Variants in FGB observed in about 807,000 individuals in gnomAD.
FGB encodes the protein beta-fibrinogen.
In FGB, 25 loss-of-function variants were observed where a neutral mutation model predicts 57.9. The ratio of observed to expected loss-of-function variants is 0.43; its 90% CI spans 0.31 to 0.60. The LOEUF (loss-of-function observed/expected upper bound fraction) is 0.60. Ranked by LOEUF, FGB falls within the 20% of genes least tolerant of loss-of-function variation. The pLI is 0.08. For synonymous variants in FGB, 203 were observed against 199.2 expected (o/e 1.02, Z -0.16); for missense variants, 536 against 598.4 (o/e 0.90, Z 1.09).
At position 154,570,671 on chromosome 4, in the gene FGB, G is replaced by C. The variant is rs1317503133; in HGVS notation, c.*21G>C. On this transcript the variant is annotated 3_prime_UTR_variant, in exon 8 of 8. Transcript: ENST00000302068. ...AATAGTCCCCAATACGTAGATTTTT[G>C]CTCTTCTGTATGTGACAACATTTTT... 2 of 1,587,908 alleles carry C rather than the reference G, an allele frequency of 1.3e-6. No homozygotes were observed. Among genetic ancestry groups the C allele is most frequent in the South Asian group, 1.1e-5 (1 of 90,466 alleles).
In FGB at chr4:154,570,516, T is replaced by C; in HGVS notation, c.1342T>C (p.Trp448Arg). 1 of 1,614,102 alleles carries C rather than the reference T, an allele frequency of 6.2e-7. No individual in the cohort carries two copies. The highest frequency in any genetic ancestry group is 8.5e-7 in the Non-Finnish European group (1 of 1,179,992). The part of the protein sequence containing the change: ...HAANPNGRYY[W>R]GGQYTWDMAK... ...AGCCAATCCAAACGGCAGATACTAC[T>C]GGGGTGGACAGTACACCTGGGACAT... is the stretch of plus-strand genomic sequence containing the variant. The change falls in exon 8 of 8, where the codon TGG (tryptophan) becomes CGG (arginine). Residue 448 changes from tryptophan to arginine, a missense_variant. This residue lies in a region of FGB where 177 missense variants were observed against 193.7 expected (regional missense o/e 0.91). Coordinates refer to ENST00000302068, the MANE Select transcript of FGB (RefSeq NM_005141.5).
intron 6 of FGB, 99 bp downstream of exon 6, chr4:154,569,406 G>A (rs1374413177): frequency 6.3e-7 from 1 of 1,588,754 alleles, no homozygotes. Flanking sequence ...AGGCAGTTAA[G>A]AGGAGTTTCC....
At chr4:154,567,870 AC>A in intron 4 of FGB, 50 bp downstream of exon 4, 1 of 1,309,816 alleles carries the variant, frequency 7.6e-7, no homozygotes, top group South Asian at 1.2e-5. Context: ...GAACTCACAC[AC>A]CAAAAATAAG....
Position 154,569,219 on chromosome 4 carries a change from T to G in FGB, c.870T>G (p.Val290=). The G allele has an allele frequency of 6.2e-7, 1 of 1,614,164 alleles. No individual in the cohort carries two copies. Among genetic ancestry groups the G allele is most frequent in the Non-Finnish European group, 8.5e-7 (1 of 1,180,016 alleles). The change falls in exon 6 of 8, where the codon GTT becomes GTG. Residue 290 remains valine, a synonymous_variant. Coordinates refer to ENST00000302068, the MANE Select transcript of FGB (RefSeq NM_005141.5). ...TVIQNRQDGS[V]DFGRKWDPYK... is the part of the protein sequence containing the mutation. ...TTCAGAACCGTCAAGACGGTAGTGTTGACTTTGGCAGGAAATGGGATCCAT... is the reference window on the plus strand; with the variant it reads ...TTCAGAACCGTCAAGACGGTAGTGTGGACTTTGGCAGGAAATGGGATCCAT...
In FGB at chr4:154,570,939, T is replaced by A; in HGVS notation, c.*289T>A. ...AGAATTTTCAAATAAGGAAGAGGGG[T>A]CTTTTATCCTTGTCGTAGGAAAACC... On this transcript the variant is annotated 3_prime_UTR_variant, in exon 8 of 8. Coordinates refer to ENST00000302068, the MANE Select transcript of FGB (RefSeq NM_005141.5). The A allele has an allele frequency of 2.3e-6, 1 of 432,670 alleles. No individual in the cohort carries two copies. The highest frequency in any genetic ancestry group is 4.2e-6 in the Non-Finnish European group (1 of 235,644). The allele number at this position is 432,670 out of a possible 1,614,324, so 26.8% of individuals were successfully genotyped here.
In FGB at chr4:154,569,567, A is replaced by C; in HGVS notation, c.1012A>C (p.Thr338Pro). The change falls in exon 7 of 8, where the codon ACA (threonine) becomes CCA (proline). Residue 338 changes from threonine (T) to proline (P), a missense_variant. Around this residue, in one of 3 missense-constraint regions of FGB, gnomAD observed 177 missense variants for 193.7 expected, o/e 0.91. Coordinates refer to ENST00000302068, the MANE Select transcript of FGB (RefSeq NM_005141.5). ...TAGCCAGCTTACCAGGATGGGACCCACAGAACTTTTGATAGAAATGGAGGA... is the reference window on the plus strand; with the variant it reads ...TAGCCAGCTTACCAGGATGGGACCCCCAGAACTTTTGATAGAAATGGAGGA... ...KISQLTRMGP[T>P]ELLIEMEDWK... is the part of the protein sequence containing the mutation. The C allele has an allele frequency of 6.2e-7, 1 of 1,614,112 alleles. No homozygotes were observed.
intron 5 of FGB, among the ~76,000 whole-genome samples, 195 bp from the exon 6 acceptor site, chr4:154,568,986 AT>A (rs960838734): frequency 1.3e-5 from 2 of 152,238 alleles, no homozygotes; most frequent in African/African-American, 4.8e-5. Context: ...ATAATTCACA[AT>A]TTGGGGTAAG....
At chr4:154,568,587 T>C (rs1393451339) in intron 5 of FGB, 93 bp downstream of exon 5, 3 of 790,102 alleles carry the variant, frequency 3.8e-6, no homozygotes, top group Admixed American at 1.8e-5. Context: ...GGCTCATACC[T>C]GTAATTCCAG....
chr4:154,570,373 C>T (rs1337825698), intron 7 of FGB, 46 bp from the exon 8 acceptor site: 2 of 1,455,232 alleles, frequency 1.4e-6, no homozygotes, highest in Admixed American at 1.7e-5. Flanking sequence ...CGTAACTTGA[C>T]CACCGTAGTT....
At position 154,567,730 on chromosome 4, in the gene FGB, C is replaced by A; in HGVS notation, c.628C>A (p.Gln210Lys). The change falls in exon 4 of 8, where the codon CAA becomes AAA. Residue 210 changes from glutamine to lysine, a missense_variant. Physicochemically the swap from Gln to Lys is moderately conservative, Grantham distance 53. This residue lies in a region of FGB where 354 missense variants were observed against 383.4 expected (regional missense o/e 0.92). Coordinates refer to ENST00000302068, the MANE Select transcript of FGB (RefSeq NM_005141.5). Reference sequence around the variant, plus strand: ...CCTGGAAAACCTGAGAAGCAAAATACAAAAGTTAGAATCTGATGTCTCAGC... The same window carrying A: ...CCTGGAAAACCTGAGAAGCAAAATAAAAAAGTTAGAATCTGATGTCTCAGC... ...SILENLRSKI[Q>K]KLESDVSAQM... The A allele has an allele frequency of 6.2e-7, 1 of 1,614,110 alleles. No individual in the cohort carries two copies. The highest frequency in any genetic ancestry group is 2.2e-5 in the East Asian group (1 of 44,884).
intron 6 of FGB, 46 bp downstream of exon 6, chr4:154,569,353 A>AT (rs748975142): frequency 2.4e-5 from 38 of 1,611,518 alleles, no homozygotes; most frequent in East Asian, 1.8e-4. Flanking sequence ...TTGAAATGGG[A>AT]TTTTTTTTAA....
chr4:154,565,846 G>T lies in FGB; in HGVS notation c.153G>T (p.Lys51Asn). The change falls in exon 2 of 8, where the codon AAG (lysine) becomes AAT (asparagine). Residue 51 changes from lysine to asparagine, a missense_variant. Lys to Asn is a moderately conservative substitution (Grantham distance 94). Around this residue, in one of 3 missense-constraint regions of FGB, gnomAD observed 354 missense variants for 383.4 expected, o/e 0.92. Coordinates refer to ENST00000302068, the MANE Select transcript of FGB (RefSeq NM_005141.5). ...FSARGHRPLD[K>N]KREEAPSLRP... Reference sequence around the variant, plus strand: ...CCCGTGGTCATCGACCCCTTGACAAGAAGAGAGAAGAGGCTCCCAGCCTGA... The same window carrying T: ...CCCGTGGTCATCGACCCCTTGACAATAAGAGAGAAGAGGCTCCCAGCCTGA... 6.2e-7 allele frequency: 1 copy of T among 1,614,212 alleles called. No homozygotes were observed. The highest frequency in any genetic ancestry group is 2.2e-5 in the East Asian group (1 of 44,884).
Position 154,568,454 on chromosome 4 carries a change from A to G in FGB, c.792A>G (p.Lys264=), listed in dbSNP as rs199550432. The change falls in exon 5 of 8, where the codon AAA becomes AAG. Residue 264 remains lysine (K), a synonymous_variant. Transcript: ENST00000302068. ...TCATTCAACCTGACAGTTCTGTCAA[A>G]CCGTATAGAGTATACTGTGACATGA... The part of the protein sequence containing the change: ...MYLIQPDSSV[K]PYRVYCDMNT... 3.7e-6 allele frequency: 6 copies of G among 1,603,918 alleles called. No homozygotes were observed. In the South Asian group the frequency reaches 4.4e-5, roughly 12 times the overall value.
rs538708636 is a variant in FGB, at chr4:154,567,728, T to C, written c.626T>C (p.Ile209Thr). Residue 209 changes from isoleucine to threonine, a missense_variant, in exon 4 of 8, where the codon ATA becomes ACA. Transcript: ENST00000302068. ...ATCCTGGAAAACCTGAGAAGCAAAA[T>C]ACAAAAGTTAGAATCTGATGTCTCA... ...RSILENLRSK[I>T]QKLESDVSAQ... is the part of the protein sequence containing the mutation. The C allele has an allele frequency of 2.5e-6, 4 of 1,614,086 alleles. No individual in the cohort carries two copies. The highest frequency in any genetic ancestry group is 1.3e-5 in the African/African-American group (1 of 75,018).
rs772160258 is a variant in FGB, at chr4:154,566,622, A to C, written c.440A>C (p.Tyr147Ser). ...VSQTSSSSFQ[Y>S]MYLLKDLWQK... ...CAGACCTCCTCTTCTTCCTTTCAGTACATGTATTTGCTGAAAGACCTGTGG... is the reference window on the plus strand; with the variant it reads ...CAGACCTCCTCTTCTTCCTTTCAGTCCATGTATTTGCTGAAAGACCTGTGG... Residue 147 changes from tyrosine to serine, a missense_variant, in exon 3 of 8, where the codon TAC becomes TCC. By Grantham distance (144) the Tyr-to-Ser change is moderately radical (BLOSUM62 -2). Coordinates refer to ENST00000302068, the MANE Select transcript of FGB (RefSeq NM_005141.5). 31 of 1,614,036 alleles carry C rather than the reference A, an allele frequency of 1.9e-5. No homozygotes were observed. In the East Asian group the frequency reaches 6.9e-4, roughly 36 times the overall value.
At chr4:154,568,036 C>T (rs1231216522) in intron 4 of FGB, among the ~76,000 whole-genome samples, 1 of 152,160 alleles carries the variant, frequency 6.6e-6, no homozygotes, top group East Asian at 1.9e-4. Flanking sequence ...CAGGTAGTCC[C>T]AGGGGTGGCT....
intron 7 of FGB, among the ~76,000 whole-genome samples, chr4:154,570,076 T>C (rs562205548): frequency 2.0e-5 from 3 of 152,352 alleles, no homozygotes; most frequent in Admixed American, 1.3e-4. Context: ...TTCTGAATAA[T>C]GAGCATTTAG....
At chr4:154,565,553 A>G (rs2110760037) in intron 1 of FGB, 1 of 496,094 alleles carries the variant, frequency 2.0e-6, no homozygotes, top group East Asian at 3.7e-5. Flanking sequence ...ACTATTCATA[A>G]TCTGATACAG....
chr4:154,568,031 A>T (rs1730238354), intron 4 of FGB, among the ~76,000 whole-genome samples: 1 of 152,214 alleles, frequency 6.6e-6, no homozygotes. Context: ...GGGCACAGGT[A>T]GTCCCAGGGG....
Sources: gnomAD v4.1 joint callset for allele counts (sites outside exome capture counted in the v4.1 genomes callset) on GRCh38, gnomAD v4.1.1 for gene constraint, gnomAD v4.1.1 regional missense constraint, MANE v1.5 for transcripts, NCBI Gene and HGNC (gene_info 2026-07-23, HGNC 2026-07-21) for gene names.